CPEB2: variants seen among roughly 807,000 people sequenced by gnomAD.
CPEB2 encodes the protein cytoplasmic polyadenylation element-binding protein 2.
In CPEB2, 56 loss-of-function variants were observed where a neutral mutation model predicts 93.6. The observed-to-expected ratio is 0.60, with a 90% CI of 0.48 to 0.75. The LOEUF (loss-of-function observed/expected upper bound fraction) is 0.75. Ranked by LOEUF, CPEB2 falls within the 30% of genes least tolerant of loss-of-function variation. CPEB2 has a pLI of 0.00. For synonymous variants in CPEB2, 764 were observed against 586.3 expected (o/e 1.30, Z -4.38); for missense variants, 1,579 against 1,395.1 (o/e 1.13, Z -2.10).
intron 3 of CPEB2, among the ~76,000 whole-genome samples, chr4:15,012,678 G>C (rs1362666189): frequency 6.6e-6 from 1 of 151,936 alleles, no homozygotes; most frequent in Non-Finnish European, 1.5e-5. Flanking sequence ...TTAAAATTAA[G>C]GACAATATTA....
chr4:15,037,093 G>A (rs1432558142), intron 5 of CPEB2, among the ~76,000 whole-genome samples: 1 of 152,156 alleles, frequency 6.6e-6, no homozygotes, highest in Non-Finnish European at 1.5e-5. Flanking sequence ...ACGAGGTCAG[G>A]AGATCGAGAC....
chr4:15,023,894 TAA>T (rs1725121543), intron 4 of CPEB2, among the ~76,000 whole-genome samples: 1 of 152,090 alleles, frequency 6.6e-6, no homozygotes, highest in Non-Finnish European at 1.5e-5. Context: ...TCCAAAATGA[TAA>T]GAGCACTTTT....
chr4:15,007,520 A>G lies in CPEB2; in HGVS notation c.1878A>G (p.Pro626=), dbSNP rs752400296. 6.8e-6 allele frequency: 11 copies of G among 1,613,790 alleles called. No individual in the cohort carries two copies. The Admixed American group carries it at 1.8e-4, about 27-fold the overall frequency. Residue 626 remains proline (P), a synonymous_variant, in exon 2 of 12, where the codon CCA becomes CCG. Coordinates refer to ENST00000538197, the MANE Select transcript of CPEB2 (RefSeq NM_001177382.2). ...KFTRSTPSLT[P]KSWIEDNVFR... The stretch of plus-strand genomic sequence containing the variant: ...CTCGCTCAACTCCATCACTGACTCC[A>G]AAATCTTGGATTGAAGATAATGTGT...
At chr4:15,020,788 G>C (rs1724721037) in intron 4 of CPEB2, among the ~76,000 whole-genome samples, 1 of 152,122 alleles carries the variant, frequency 6.6e-6, no homozygotes, top group South Asian at 2.1e-4. Context: ...TCATTGTATA[G>C]CCTACTGGGG....
chr4:15,018,590 C>T (rs1414351219), intron 4 of CPEB2, among the ~76,000 whole-genome samples: 1 of 148,912 alleles, frequency 6.7e-6, no homozygotes, highest in Non-Finnish European at 1.5e-5. Flanking sequence ...AGTGGTTTGT[C>T]TTAGATCCAC....
intron 3 of CPEB2, among the ~76,000 whole-genome samples, chr4:15,014,115 T>C (rs1723823257): frequency 6.6e-6 from 1 of 152,030 alleles, no homozygotes; most frequent in African/African-American, 2.4e-5. Flanking sequence ...TCACACCTCT[T>C]GCAATGAAGG....
At chr4:15,012,771 T>G (rs1723656837) in intron 3 of CPEB2, among the ~76,000 whole-genome samples, 1 of 152,140 alleles carries the variant, frequency 6.6e-6, no homozygotes, top group Admixed American at 6.5e-5. Flanking sequence ...ATCTTTCTAG[T>G]TAAGCAGAAT....
At position 15,033,234 on chromosome 4, in the gene CPEB2, A is replaced by G. The variant is rs370920500; in HGVS notation, c.2176+23A>G. The G allele has an allele frequency of 1.9e-5, 27 of 1,451,478 alleles. No homozygotes were observed. In the African/African-American group the frequency reaches 3.6e-4, roughly 20 times the overall value. The allele number at this position is 1,451,478 out of a possible 1,614,324, so 89.9% of individuals were successfully genotyped here. A position where few individuals can be genotyped will look rare whatever the true frequency, so the allele number is the denominator to read the frequency against. ...ATGGTAAGTTTTATAAAAACATTTT[A>G]TGTTTCCAGTTGATTTATGTAAAGA... On this transcript the variant is annotated intron_variant, in intron 5 of 11. Coordinates refer to ENST00000538197, the MANE Select transcript of CPEB2 (RefSeq NM_001177382.2).
intron 5 of CPEB2, among the ~76,000 whole-genome samples, chr4:15,035,248 A>G (rs1726495101): frequency 6.6e-6 from 1 of 151,850 alleles, no homozygotes; most frequent in African/African-American, 2.4e-5. Flanking sequence ...GCTAGCTCAT[A>G]GTGGTTGCTA....
At chr4:15,037,636 T>C (rs952247838) in intron 5 of CPEB2, among the ~76,000 whole-genome samples, 2 of 152,190 alleles carry the variant, frequency 1.3e-5, no homozygotes, top group African/African-American at 4.8e-5. Context: ...GTCGCTTGTC[T>C]TCAGGCTTTT....
At chr4:15,050,590 C>G (rs1412541934) in intron 6 of CPEB2, among the ~76,000 whole-genome samples, 1 of 152,180 alleles carries the variant, frequency 6.6e-6, no homozygotes, top group Non-Finnish European at 1.5e-5. Flanking sequence ...GAAACAGCTA[C>G]CTTCACAGAT....
chr4:15,024,779 A>G (rs1725245212), intron 4 of CPEB2, among the ~76,000 whole-genome samples: 1 of 135,650 alleles, frequency 7.4e-6, no homozygotes, highest in Non-Finnish European at 1.5e-5. Context: ...GGAGTCTTGC[A>G]CTGTTGTCCA....
rs1722254983 is a variant in CPEB2, at chr4:15,003,351, G to A, written c.678G>A (p.Gln226=). ...GPLLQPAQLA[Q]RQQQQPPQQF... Reference sequence around the variant, plus strand: ...TCCTCCAGCCGGCGCAGCTCGCTCAGCGCCAGCAGCAACAGCCGCCGCAGC... The same window carrying A: ...TCCTCCAGCCGGCGCAGCTCGCTCAACGCCAGCAGCAACAGCCGCCGCAGC... Residue 226 remains glutamine (Q), a synonymous_variant, in exon 1 of 12, where the codon CAG becomes CAA. Transcript: ENST00000538197. 1.4e-6 allele frequency: 2 copies of A among 1,390,278 alleles called. No individual in the cohort carries two copies. Among genetic ancestry groups the A allele is most frequent in the East Asian group, 6.1e-5 (2 of 32,950 alleles). 86.1% of individuals were successfully genotyped at this position (1,390,278 alleles called of 1,614,324 possible).
chr4:15,052,672 G>A lies in CPEB2; in HGVS notation c.2371+88G>A, dbSNP rs1053759442. On this transcript the variant is annotated intron_variant, in intron 7 of 11. Coordinates refer to ENST00000538197, the MANE Select transcript of CPEB2 (RefSeq NM_001177382.2). ...AATTTAATGTGAATGGACTATGAAA[G>A]TTTTTACCACCTAGAGATTTTCAGA... 1.0e-5 allele frequency: 8 copies of A among 772,380 alleles called. 1 individual carries two copies. The African/African-American group carries it at 1.1e-4, about 10-fold the overall frequency. 47.8% of individuals were successfully genotyped at this position (772,380 alleles called of 1,614,324 possible). A position where few individuals can be genotyped will look rare whatever the true frequency, so the allele number is the denominator to read the frequency against.
In CPEB2 at chr4:15,003,393, T is replaced by A; in HGVS notation, c.720T>A (p.His240Gln). The A allele has an allele frequency of 7.3e-7, 1 of 1,370,988 alleles. No homozygotes were observed. Among genetic ancestry groups the A allele is most frequent in the Non-Finnish European group, 9.3e-7 (1 of 1,073,392 alleles). 84.9% of individuals were successfully genotyped at this position (1,370,988 alleles called of 1,614,324 possible). A position where few individuals can be genotyped will look rare whatever the true frequency, so the allele number is the denominator to read the frequency against. The change falls in exon 1 of 12, where the codon CAT (histidine) becomes CAA (glutamine). Residue 240 changes from histidine to glutamine, a missense_variant. Transcript: ENST00000538197. ...QQPPQQFSLLHQQHLSPQDFA... is the reference protein window; with the variant it reads ...QQPPQQFSLLQQQHLSPQDFA... ...CGCCGCAGCAGTTCAGCCTCCTGCA[T>A]CAGCAGCACCTCTCGCCGCAGGACT...
chr4:15,067,606 C>T lies in CPEB2; in HGVS notation c.*1226C>T, dbSNP rs1197116764. 1 of 152,316 alleles carries T rather than the reference C, an allele frequency of 6.6e-6. No homozygotes were observed. The highest frequency in any genetic ancestry group is 1.5e-5 in the Non-Finnish European group (1 of 67,916). 9.4% of individuals were successfully genotyped at this position (152,316 alleles called of 1,614,324 possible). On this transcript the variant is annotated 3_prime_UTR_variant, in exon 12 of 12. Transcript: ENST00000538197. Reference sequence around the variant, plus strand: ...ACCAAATGTAAGACCCATAAGAAACCCATATTTAAAAATCTGAATTTTTTA... The same window carrying T: ...ACCAAATGTAAGACCCATAAGAAACTCATATTTAAAAATCTGAATTTTTTA...
chr4:15,030,109 C>G (rs1206579607), intron 4 of CPEB2, among the ~76,000 whole-genome samples: 2 of 151,946 alleles, frequency 1.3e-5, no homozygotes, highest in Non-Finnish European at 2.9e-5. Context: ...AGTCACTGCA[C>G]CACAGGTCTT....
Position 15,004,158 on chromosome 4 carries a change from C to T in CPEB2, c.1485C>T (p.Thr495=), listed in dbSNP as rs1560208562. Residue 495 remains threonine (T), a synonymous_variant, in exon 1 of 12, where the codon ACC becomes ACT. Transcript: ENST00000538197. ...GGGFGGPFSA[T]AVPPPPPPAM... is the part of the protein sequence containing the mutation. ...GCTTCGGCGGCCCCTTCTCGGCTAC[C>T]GCTGTGCCCCCTCCGCCGCCGCCCG... 4.9e-6 allele frequency: 7 copies of T among 1,441,680 alleles called. No individual in the cohort carries two copies. Among genetic ancestry groups the T allele is most frequent in the Non-Finnish European group, 6.3e-6 (7 of 1,105,894 alleles). 89.3% of individuals were successfully genotyped at this position (1,441,680 alleles called of 1,614,324 possible).
At position 15,002,554 on chromosome 4, in the gene CPEB2, G is replaced by A; in HGVS notation, c.-120G>A. 1 of 778,514 alleles carries A rather than the reference G, an allele frequency of 1.3e-6. No individual in the cohort carries two copies. The highest frequency in any genetic ancestry group is 2.1e-5 in the South Asian group (1 of 48,088). The allele number at this position is 778,514 out of a possible 1,614,324, so 48.2% of individuals were successfully genotyped here. ...GTCGGTGCCCCCTGGCTCAGTCACG[G>A]TGTCCCTCTCTCACTGACTCCCCCT... On this transcript the variant is annotated 5_prime_UTR_variant, in exon 1 of 12. It adds an upstream start codon to the 5' untranslated region. Transcript: ENST00000538197.
Sources: gnomAD v4.1 joint callset for allele counts (sites outside exome capture counted in the v4.1 genomes callset) on GRCh38, gnomAD v4.1.1 for gene constraint, MANE v1.5 for transcripts, NCBI Gene and HGNC (gene_info 2026-07-23, HGNC 2026-07-21) for gene names.